The following CPNE8 variants were observed in gnomAD, a reference collection of about 807,000 sequenced individuals.
CPNE8 encodes copine 8.
In CPNE8, 45 loss-of-function variants were observed where a neutral mutation model predicts 81.5. The observed-to-expected ratio is 0.55, with a 90% CI of 0.44 to 0.71. CPNE8 has a LOEUF of 0.71. CPNE8 is among the 30% of genes least tolerant of loss of function. The probability of loss-of-function intolerance (pLI) is 0.00; values close to 1 mark genes in which losing one functional copy is unlikely to be tolerated. For synonymous variants in CPNE8, 252 were observed against 226.3 expected (o/e 1.11, Z -1.02); for missense variants, 594 against 672.1 (o/e 0.88, Z 1.28).
At chr12:38,678,127 T>C (rs1939333669) in intron 16 of CPNE8, among the ~76,000 whole-genome samples, 1 of 152,020 alleles carries the variant, frequency 6.6e-6, no homozygotes, top group Non-Finnish European at 1.5e-5. Context: ...ATGGTATACG[T>C]TTAAATGGTG....
intron 13 of CPNE8, among the ~76,000 whole-genome samples, chr12:38,707,647 C>T (rs748701410): frequency 6.6e-6 from 1 of 152,120 alleles, no homozygotes; most frequent in Non-Finnish European, 1.5e-5. Context: ...AAGCAGAATC[C>T]TGAAGCATAT....
chr12:38,898,118 A>C (rs1401706851), intron 1 of CPNE8, among the ~76,000 whole-genome samples: 1 of 152,150 alleles, frequency 6.6e-6, no homozygotes, highest in Non-Finnish European at 1.5e-5. Flanking sequence ...GCCTGCTACA[A>C]CACAAATAAC....
chr12:38,657,330 T>A (rs568599151), intron 19 of CPNE8, among the ~76,000 whole-genome samples: 1 of 151,618 alleles, frequency 6.6e-6, no homozygotes, highest in African/African-American at 2.4e-5. Context: ...GGGGGAGGGG[T>A]GTCCACCATT....
At chr12:38,826,570 G>C (rs907349103) in intron 6 of CPNE8, among the ~76,000 whole-genome samples, 1 of 152,088 alleles carries the variant, frequency 6.6e-6, no homozygotes, top group African/African-American at 2.4e-5. Flanking sequence ...TATTCTACCA[G>C]TCTACCCTAG....
chr12:38,653,869 T>G lies in CPNE8; in HGVS notation c.*13A>C. The G allele has an allele frequency of 6.2e-7, 1 of 1,608,046 alleles. No individual in the cohort carries two copies. Among genetic ancestry groups the G allele is most frequent in the Non-Finnish European group, 8.5e-7 (1 of 1,178,054 alleles). On this transcript the variant is annotated 3_prime_UTR_variant, in exon 20 of 20. Transcript: ENST00000331366. ...TTTTGATTTGTAGTTGACATTAGCATTTCAGAGCACAGTCATATTTGAGTC... is the reference window on the plus strand; with the variant it reads ...TTTTGATTTGTAGTTGACATTAGCAGTTCAGAGCACAGTCATATTTGAGTC...
At chr12:38,680,657 T>C (rs1172615128) in intron 16 of CPNE8, among the ~76,000 whole-genome samples, 4 of 152,070 alleles carry the variant, frequency 2.6e-5, no homozygotes, top group Non-Finnish European at 5.9e-5. Flanking sequence ...ATGACACTAC[T>C]GTCACCTCTT....
In CPNE8 at chr12:38,708,350, GA is replaced by G. The variant is rs919856143; in HGVS notation, c.915-5430del. Among the ~76,000 whole-genome samples the G allele has an allele frequency of 5.6e-3, 786 of 140,910 alleles. 9 individuals carry two copies. Among genetic ancestry groups the G allele is most frequent in the African/African-American group, 0.018 (717 of 38,842 alleles). 92.4% of individuals were successfully genotyped at this position (140,910 alleles called of 152,430 possible). On this transcript the variant is annotated intron_variant, in intron 13 of 19. Transcript: ENST00000331366. ...TATTGCTTGAAGCCTAATGTTAGAG[GA>G]AAAAAAAAATCAATCGTGTCAAAGT...
chr12:38,861,685 A>G (rs879545336), intron 3 of CPNE8, among the ~76,000 whole-genome samples: 11 of 152,270 alleles, frequency 7.2e-5, no homozygotes, highest in Admixed American at 2.6e-4. Flanking sequence ...TATTAAATAT[A>G]CACAAGGAAA....
chr12:38,834,202 G>T (rs1011800992), intron 5 of CPNE8, among the ~76,000 whole-genome samples: 5 of 152,122 alleles, frequency 3.3e-5, no homozygotes, highest in Non-Finnish European at 7.4e-5. Flanking sequence ...TTCTCCATTT[G>T]CATTTTCTTA....
intron 6 of CPNE8, among the ~76,000 whole-genome samples, chr12:38,821,332 A>G (rs1275136363): frequency 6.6e-6 from 1 of 152,192 alleles, no homozygotes; most frequent in African/African-American, 2.4e-5. Context: ...ATCAATTCCT[A>G]GTAAAGATTT....
chr12:38,723,659 C>T (rs1022109354), intron 13 of CPNE8, 113 bp downstream of exon 13: 1 of 727,026 alleles, frequency 1.4e-6, no homozygotes, highest in African/African-American at 1.8e-5. Context: ...ATAGGCTTGC[C>T]ATCAAAATAT....
chr12:38,837,168 A>T (rs1330441769), intron 5 of CPNE8, among the ~76,000 whole-genome samples: 1 of 152,166 alleles, frequency 6.6e-6, no homozygotes, highest in Non-Finnish European at 1.5e-5. Flanking sequence ...GAAGGGAAAG[A>T]AGAAGGCAGA....
intron 14 of CPNE8, among the ~76,000 whole-genome samples, chr12:38,699,413 C>A (rs1939878800): frequency 6.6e-6 from 1 of 152,132 alleles, no homozygotes; most frequent in Non-Finnish European, 1.5e-5. Flanking sequence ...TTGTTATGTG[C>A]CCCGATCCTT....
At chr12:38,892,114 C>G (rs951541652) in intron 1 of CPNE8, among the ~76,000 whole-genome samples, 1 of 151,996 alleles carries the variant, frequency 6.6e-6, no homozygotes, top group Non-Finnish European at 1.5e-5. Flanking sequence ...GCAAGGAGAG[C>G]CACAAATGGG....
chr12:38,879,212 G>C (rs1944112717), intron 1 of CPNE8, among the ~76,000 whole-genome samples: 1 of 152,138 alleles, frequency 6.6e-6, no homozygotes, highest in South Asian at 2.1e-4. Context: ...ATTTGCAGCG[G>C]GGAGGAGCCT....
chr12:38,768,475 T>C (rs893927273), intron 7 of CPNE8, among the ~76,000 whole-genome samples: 1 of 152,174 alleles, frequency 6.6e-6, no homozygotes, highest in Non-Finnish European at 1.5e-5. Flanking sequence ...TTATTTAAAA[T>C]CAAAATAAAT....
chr12:38,751,473 T>C (rs2136824135), intron 10 of CPNE8, among the ~76,000 whole-genome samples: 1 of 152,334 alleles, frequency 6.6e-6, no homozygotes, highest in East Asian at 1.9e-4. Context: ...TTTAACTTTT[T>C]GTTGTACGAT....
intron 13 of CPNE8, among the ~76,000 whole-genome samples, chr12:38,705,187 C>G (rs1311803500): frequency 6.6e-6 from 1 of 151,984 alleles, no homozygotes; most frequent in Non-Finnish European, 1.5e-5. Context: ...TTTTGACACA[C>G]AGCACAATTG....
At chr12:38,680,342 C>A (rs1490099581) in intron 16 of CPNE8, among the ~76,000 whole-genome samples, 1 of 151,884 alleles carries the variant, frequency 6.6e-6, no homozygotes, top group Non-Finnish European at 1.5e-5. Context: ...ATTAAAACTT[C>A]TTAACAATGA....
Sources: gnomAD v4.1 joint callset for allele counts (sites outside exome capture counted in the v4.1 genomes callset) on GRCh38, gnomAD v4.1.1 for gene constraint, MANE v1.5 for transcripts, NCBI Gene and HGNC (gene_info 2026-07-23, HGNC 2026-07-21) for gene names.